The following KLHL9 variants were observed in gnomAD, a reference collection of about 807,000 sequenced individuals.
The protein encoded by KLHL9 is kelch like family member 9.
Under a neutral mutation model 42.3 loss-of-function variants are expected in KLHL9, and 27 were observed. The observed-to-expected ratio is 0.64, with a 90% CI of 0.47 to 0.88. The LOEUF is 0.88. KLHL9 is among the 40% of genes least tolerant of loss of function. The pLI is 0.00. For synonymous variants in KLHL9, 274 were observed against 254.4 expected, an observed-to-expected ratio of 1.08 and a Z score of -0.73; for missense variants, 629 against 750.3, an observed-to-expected ratio of 0.84 and a Z score of 1.89.
Position 21,335,286 on chromosome 9 carries a change from C to T in KLHL9, c.-427G>A, listed in dbSNP as rs912637333. 1.6e-5 allele frequency: 7 copies of T among 440,950 alleles called. No individual in the cohort carries two copies. The Admixed American group carries it at 1.9e-4, about 12-fold the overall frequency. The allele number at this position is 440,950 out of a possible 1,614,324, so 27.3% of individuals were successfully genotyped here. On this transcript the variant is annotated 5_prime_UTR_variant, in exon 1 of 1. In the 5' UTR this introduces an upstream ATG that the reference lacks. Coordinates refer to ENST00000359039, the MANE Select transcript of KLHL9 (RefSeq NM_018847.4). ...TGTACCTAGAGTGTCGCAGCGGCCACCGGCCTGTCTTTGAGCAAGGGCCGG... is the reference window on the plus strand; with the variant it reads ...TGTACCTAGAGTGTCGCAGCGGCCATCGGCCTGTCTTTGAGCAAGGGCCGG...
rs751040318 is a variant in KLHL9 at position 21,333,816 on chromosome 9, A to C, written c.1044T>G (p.Phe348Leu). ...YQHGIAVIGNFLYVVGGQSNY... is the reference protein window; with the variant it reads ...YQHGIAVIGNLLYVVGGQSNY... ...TACTCTGACCACCAACTACATAAAG[A>C]AAGTTTCCAATGACAGCAATACCAT... Residue 348 changes from phenylalanine to leucine, a missense_variant, in exon 1 of 1, where the codon TTT becomes TTG. Physicochemically the swap from Phe to Leu is conservative, Grantham distance 22 (BLOSUM62 0). Around this residue, in one of 4 missense-constraint regions of KLHL9, gnomAD observed 214 missense variants for 305.8 expected, o/e 0.70. Coordinates refer to ENST00000359039, the MANE Select transcript of KLHL9 (RefSeq NM_018847.4). The surrounding 1 kb of genome is among the most constrained non-coding windows in gnomAD (Gnocchi z 7.5). The C allele has an allele frequency of 1.1e-5, 17 of 1,613,910 alleles. No individual in the cohort carries two copies. The South Asian group carries it at 1.9e-4, about 18-fold the overall frequency.
Position 21,335,024 on chromosome 9 carries a change from G to T in KLHL9, c.-165C>A. ...GGGCCACGCCAGTCAGTCATCCACT[G>T]AAAATCACCCTGTAGCAGGACCACA... is the stretch of plus-strand genomic sequence containing the variant. On this transcript the variant is annotated 5_prime_UTR_variant, in exon 1 of 1. Transcript: ENST00000359039. The T allele has an allele frequency of 1.1e-6, 1 of 890,564 alleles. No homozygotes were observed. Among genetic ancestry groups the T allele is most frequent in the Non-Finnish European group, 1.7e-6 (1 of 593,808 alleles). 55.2% of individuals were successfully genotyped at this position (890,564 alleles called of 1,614,324 possible).
At position 21,334,793 on chromosome 9, in the gene KLHL9, T is replaced by C. The variant is rs1361155285; in HGVS notation, c.67A>G (p.Thr23Ala). The C allele has an allele frequency of 1.2e-6, 2 of 1,612,968 alleles. No individual in the cohort carries two copies. Among genetic ancestry groups the C allele is most frequent in the Non-Finnish European group, 1.7e-6 (2 of 1,179,604 alleles). The change falls in exon 1 of 1, where the codon ACC (threonine) becomes GCC (alanine). Residue 23 changes from threonine (T) to alanine (A), a missense_variant. Thr to Ala is a moderately conservative substitution (Grantham distance 58). This residue lies in a region of KLHL9 where 351 missense variants were observed against 363.1 expected (regional missense o/e 0.97). Coordinates refer to ENST00000359039, the MANE Select transcript of KLHL9 (RefSeq NM_018847.4). This position sits in a 1 kb window ranked among gnomAD's most constrained non-coding sequence, Gnocchi z 5.1. ...GTATTGCTGGTAAAAAAGCGTGTGGTTCCTGCCTTACAAGGCTGCAAATGG... is the reference window on the plus strand; with the variant it reads ...GTATTGCTGGTAAAAAAGCGTGTGGCTCCTGCCTTACAAGGCTGCAAATGG... ...SAHLQPCKAG[T>A]TRFFTSNTHS...
rs1432448113 is a variant in KLHL9 at position 21,332,723 on chromosome 9, A to G, written c.*283T>C. ...AACTCAACTTTGAAGCATAATGGAC[A>G]TAATTACACATTTACCACAGTCATC... On this transcript the variant is annotated 3_prime_UTR_variant, in exon 1 of 1. Transcript: ENST00000359039. The G allele has an allele frequency of 2.7e-6, 1 of 364,906 alleles. No individual in the cohort carries two copies. The highest frequency in any genetic ancestry group is 4.9e-6 in the Non-Finnish European group (1 of 203,796). 22.6% of individuals were successfully genotyped at this position (364,906 alleles called of 1,614,324 possible).
rs1485093757 is a variant in KLHL9 at position 21,332,286 on chromosome 9, G to A, written c.*720C>T. 2.0e-5 allele frequency: 3 copies of A among 152,574 alleles called. No individual in the cohort carries two copies. The highest frequency in any genetic ancestry group is 7.2e-5 in the African/African-American group (3 of 41,430). The allele number at this position is 152,574 out of a possible 1,614,324, so 9.5% of individuals were successfully genotyped here. ...CTGGTACTGAATTTCCATTTGAATA[G>A]AAACGGCTGCTTTGTGGAAGAAAGA... On this transcript the variant is annotated 3_prime_UTR_variant, in exon 1 of 1. Coordinates refer to ENST00000359039, the MANE Select transcript of KLHL9 (RefSeq NM_018847.4).
Position 21,330,134 on chromosome 9 carries a change from G to T in KLHL9, c.*2872C>A, listed in dbSNP as rs1820144945. On this transcript the variant is annotated 3_prime_UTR_variant, in exon 1 of 1. Coordinates refer to ENST00000359039, the MANE Select transcript of KLHL9 (RefSeq NM_018847.4). ...CCCTTATCTGAAATGCTTGGGACCA[G>T]AAGTGTTTTGGATTTTGGAATATTT... 1 of 152,176 alleles carries T rather than the reference G, an allele frequency of 6.6e-6. No individual in the cohort carries two copies. The highest frequency in any genetic ancestry group is 2.1e-4 in the South Asian group (1 of 4,830). 9.4% of individuals were successfully genotyped at this position (152,176 alleles called of 1,614,324 possible). A position where few individuals can be genotyped will look rare whatever the true frequency, so the allele number is the denominator to read the frequency against.
chr9:21,332,918 T>C lies in KLHL9; in HGVS notation c.*88A>G, dbSNP rs1353299908. ...TAACATCAGTTACCTTTATATCTAA[T>C]AACTGTACCAATCACTGTAAGAAGA... On this transcript the variant is annotated 3_prime_UTR_variant, in exon 1 of 1. Transcript: ENST00000359039. The C allele has an allele frequency of 6.3e-7, 1 of 1,581,884 alleles. No individual in the cohort carries two copies.
Position 21,332,796 on chromosome 9 carries a change from GTCT to G in KLHL9, c.*207_*209del, listed in dbSNP as rs773158084. The G allele has an allele frequency of 3.9e-4, 260 of 662,598 alleles. 1 individual carries two copies. The highest frequency in any genetic ancestry group is 8.6e-4 in the Middle Eastern group (2 of 2,314). The allele number at this position is 662,598 out of a possible 1,614,324, so 41.0% of individuals were successfully genotyped here. ...AAAAGACATCTAAACATTTTTCTACGTCTTTTTTTCATTTGTTAAAACAGCTAT... is the reference window on the plus strand; with the variant it reads ...AAAAGACATCTAAACATTTTTCTACGTTTTTTCATTTGTTAAAACAGCTAT... On this transcript the variant is annotated 3_prime_UTR_variant, in exon 1 of 1. Coordinates refer to ENST00000359039, the MANE Select transcript of KLHL9 (RefSeq NM_018847.4).
rs767378236 is a variant in KLHL9 at position 21,334,578 on chromosome 9, C to T, written c.282G>A (p.Lys94=). 6.8e-6 allele frequency: 11 copies of T among 1,614,006 alleles called. 1 individual carries two copies. The South Asian group carries it at 1.1e-4, about 16-fold the overall frequency. The change falls in exon 1 of 1, where the codon AAG becomes AAA. Residue 94 remains lysine, a synonymous_variant. Coordinates refer to ENST00000359039, the MANE Select transcript of KLHL9 (RefSeq NM_018847.4). This position sits in a 1 kb window ranked among gnomAD's most constrained non-coding sequence, Gnocchi z 5.1. ...GACCAACCTTGTTCACCCCATGAAG[C>T]TTAATGCACATCAAATCTTGTTCTT... The part of the protein sequence containing the change: ...GMKEQDLMCI[K]LHGVNKVGLK...
Position 21,333,086 on chromosome 9 carries a change from G to C in KLHL9, c.1774C>G (p.Leu592Val), listed in dbSNP as rs2133030186. ...TTTTCTTCAGGTGGAAAAACTGTGA[G>C]TGTACAGGCTCGAATGCCACCAAGT... ...ESLGGIRACT[L>V]TVFPPEENPG... Residue 592 changes from leucine to valine, a missense_variant, in exon 1 of 1, where the codon CTC (leucine) becomes GTC (valine). Leu to Val is a conservative substitution (Grantham distance 32). Coordinates refer to ENST00000359039, the MANE Select transcript of KLHL9 (RefSeq NM_018847.4). This position sits in a 1 kb window ranked among gnomAD's most constrained non-coding sequence, Gnocchi z 7.5. 1.2e-6 allele frequency: 2 copies of C among 1,614,174 alleles called. No homozygotes were observed. The highest frequency in any genetic ancestry group is 1.3e-5 in the African/African-American group (1 of 75,034).
chr9:21,331,648 G>A lies in KLHL9; in HGVS notation c.*1358C>T, dbSNP rs1820173430. 1 of 152,174 alleles carries A rather than the reference G, an allele frequency of 6.6e-6. No individual in the cohort carries two copies. The highest frequency in any genetic ancestry group is 1.5e-5 in the Non-Finnish European group (1 of 68,034). The allele number at this position is 152,174 out of a possible 1,614,324, so 9.4% of individuals were successfully genotyped here. A position where few individuals can be genotyped will look rare whatever the true frequency, so the allele number is the denominator to read the frequency against. On this transcript the variant is annotated 3_prime_UTR_variant, in exon 1 of 1. Transcript: ENST00000359039. ...TAAAAGTCCCATTAAAAATTACCATGTGGTTCTCAACCAATAGGGATACCT... is the reference window on the plus strand; with the variant it reads ...TAAAAGTCCCATTAAAAATTACCATATGGTTCTCAACCAATAGGGATACCT...
rs569486620 is a variant in KLHL9, at chr9:21,330,940, T to C, written c.*2066A>G. 6.6e-6 allele frequency: 1 copy of C among 151,470 alleles called. No individual in the cohort carries two copies. Among genetic ancestry groups the C allele is most frequent in the South Asian group, 2.1e-4 (1 of 4,794 alleles). 9.4% of individuals were successfully genotyped at this position (151,470 alleles called of 1,614,324 possible). A position where few individuals can be genotyped will look rare whatever the true frequency, so the allele number is the denominator to read the frequency against. On this transcript the variant is annotated 3_prime_UTR_variant, in exon 1 of 1. Transcript: ENST00000359039. ...TGTCTCAAAAAAAAAAAAAGACAAA[T>C]TTGATCTCAAAAATTAACTGAACAG...
rs1197185912 is a variant in KLHL9, at chr9:21,329,760, G to T, written c.*3246C>A. ...ATATTTGACAAATGCCTGCACATAT[G>T]TACGTATATATATATATATAATATA... On this transcript the variant is annotated 3_prime_UTR_variant, in exon 1 of 1. Transcript: ENST00000359039. 1 of 147,822 alleles carries T rather than the reference G, an allele frequency of 6.8e-6. No individual in the cohort carries two copies. Among genetic ancestry groups the T allele is most frequent in the Non-Finnish European group, 1.5e-5 (1 of 67,518 alleles). 9.2% of individuals were successfully genotyped at this position (147,822 alleles called of 1,614,324 possible).
In KLHL9 at chr9:21,330,664, G is replaced by A. The variant is rs1272212988; in HGVS notation, c.*2342C>T. ...TAAAAGGAAAAGCCTGTACAAAATA[G>A]AGGCAGGGCAGTATCACCTTGATAT... On this transcript the variant is annotated 3_prime_UTR_variant, in exon 1 of 1. Transcript: ENST00000359039. 6.6e-6 allele frequency: 1 copy of A among 152,100 alleles called. No individual in the cohort carries two copies. The highest frequency in any genetic ancestry group is 2.1e-4 in the South Asian group (1 of 4,824). The allele number at this position is 152,100 out of a possible 1,614,324, so 9.4% of individuals were successfully genotyped here.
In KLHL9 at chr9:21,335,115, C is replaced by T. The variant is rs989099593; in HGVS notation, c.-256G>A. 1 of 547,584 alleles carries T rather than the reference C, an allele frequency of 1.8e-6. No individual in the cohort carries two copies. Among genetic ancestry groups the T allele is most frequent in the Non-Finnish European group, 3.3e-6 (1 of 307,374 alleles). 33.9% of individuals were successfully genotyped at this position (547,584 alleles called of 1,614,324 possible). A position where few individuals can be genotyped will look rare whatever the true frequency, so the allele number is the denominator to read the frequency against. ...TCATCACCTGAAGGCGGTTAAATGA[C>T]CTGGTTCACCTCGTCCGGCCTGCGC... On this transcript the variant is annotated 5_prime_UTR_variant, in exon 1 of 1. Transcript: ENST00000359039.
Position 21,334,409 on chromosome 9 carries a change from A to G in KLHL9, c.451T>C (p.Leu151=), listed in dbSNP as rs2133032325. 1.2e-6 allele frequency: 2 copies of G among 1,614,090 alleles called. No individual in the cohort carries two copies. Among genetic ancestry groups the G allele is most frequent in the Non-Finnish European group, 1.7e-6 (2 of 1,179,994 alleles). The change falls in exon 1 of 1, where the codon TTG becomes CTG. Residue 151 remains leucine, a synonymous_variant. Transcript: ENST00000359039. The surrounding 1 kb of genome is among the most constrained non-coding windows in gnomAD (Gnocchi z 5.1). The stretch of plus-strand genomic sequence containing the variant: ...CGTCCAACCTCAACACAGTTATCCA[A>G]AGAGACTCCTGATATAAGAAATACT... ...CKVFLISGVS[L]DNCVEVGRIA...
rs1303209021 is a variant in KLHL9 at position 21,330,337 on chromosome 9, G to A, written c.*2669C>T. ...AGTGTAACCTGTCACATGAGCTCTG[G>A]TGTGGAATTTTCTACTTGTGGCATC... On this transcript the variant is annotated 3_prime_UTR_variant, in exon 1 of 1. Transcript: ENST00000359039. 6.6e-6 allele frequency: 1 copy of A among 152,198 alleles called. No individual in the cohort carries two copies. The highest frequency in any genetic ancestry group is 1.5e-5 in the Non-Finnish European group (1 of 68,058). The allele number at this position is 152,198 out of a possible 1,614,324, so 9.4% of individuals were successfully genotyped here. A position where few individuals can be genotyped will look rare whatever the true frequency, so the allele number is the denominator to read the frequency against.
At position 21,333,435 on chromosome 9, in the gene KLHL9, T is replaced by C. The variant is rs928232719; in HGVS notation, c.1425A>G (p.Gln475=). The part of the protein sequence containing the change: ...CFDPDTDKWM[Q]KAPMTTVRGL... ...CTCTGACTGTAGTCATTGGAGCCTTTTGCATCCATTTATCTGTATCTGGGT... is the reference window on the plus strand; with the variant it reads ...CTCTGACTGTAGTCATTGGAGCCTTCTGCATCCATTTATCTGTATCTGGGT... Residue 475 remains glutamine (Q), a synonymous_variant, in exon 1 of 1, where the codon CAA becomes CAG. Transcript: ENST00000359039. This position sits in a 1 kb window ranked among gnomAD's most constrained non-coding sequence, Gnocchi z 7.5. The C allele has an allele frequency of 6.2e-7, 1 of 1,614,242 alleles. No homozygotes were observed. The highest frequency in any genetic ancestry group is 1.3e-5 in the African/African-American group (1 of 75,066).
In KLHL9 at chr9:21,329,909, C is replaced by T. The variant is rs923178647; in HGVS notation, c.*3097G>A. On this transcript the variant is annotated 3_prime_UTR_variant, in exon 1 of 1. Transcript: ENST00000359039. Reference sequence around the variant, plus strand: ...CAAATGTTAATTTTTGAATACTTTCCGAAAAACTAAAACAAGAAATGTTAA... The same window carrying T: ...CAAATGTTAATTTTTGAATACTTTCTGAAAAACTAAAACAAGAAATGTTAA... The T allele has an allele frequency of 2.0e-5, 3 of 151,916 alleles. No individual in the cohort carries two copies. Among genetic ancestry groups the T allele is most frequent in the South Asian group, 2.1e-4 (1 of 4,818 alleles). 9.4% of individuals were successfully genotyped at this position (151,916 alleles called of 1,614,324 possible).
Sources: gnomAD v4.1 joint callset for allele counts on GRCh38, gnomAD v4.1.1 for gene constraint, gnomAD v4.1.1 regional missense constraint, Gnocchi (gnomAD v3.1) non-coding constraint, MANE v1.5 for transcripts, NCBI Gene and HGNC (gene_info 2026-07-23, HGNC 2026-07-21) for gene names.